The following BTBD10 variants were observed in gnomAD, a reference collection of about 807,000 sequenced individuals.
BTBD10 encodes the protein BTB domain containing 10, also known as BTB/POZ domain-containing protein 10.
Under a neutral mutation model 53.2 loss-of-function variants are expected in BTBD10, and 21 were observed. The ratio of observed to expected loss-of-function variants is 0.39; its 90% CI spans 0.28 to 0.57. BTBD10 has a LOEUF of 0.57. Ranked by LOEUF, BTBD10 falls within the 20% of genes least tolerant of loss-of-function variation. The probability of loss-of-function intolerance (pLI) is 0.53; values close to 1 mark genes in which losing one functional copy is unlikely to be tolerated. For synonymous variants in BTBD10, 149 were observed against 192.7 expected, an observed-to-expected ratio of 0.77 and a Z score of 1.88; for missense variants, 360 against 594.7, an observed-to-expected ratio of 0.61 and a Z score of 4.10.
chr11:13,401,391 G>T (rs1949713634), intron 8 of BTBD10, among the ~76,000 whole-genome samples: 1 of 152,004 alleles, frequency 6.6e-6, no homozygotes, highest in Non-Finnish European at 1.5e-5. Flanking sequence ...CCTATACCTA[G>T]GAACTAGACC....
intron 2 of BTBD10, among the ~76,000 whole-genome samples, chr11:13,422,568 G>A (rs1028115474): frequency 6.6e-6 from 1 of 152,020 alleles, no homozygotes; most frequent in African/African-American, 2.4e-5. Flanking sequence ...GAATCGTCTG[G>A]GAGGCGAAGG....
chr11:13,390,013 C>T (rs754469692), intron 8 of BTBD10, among the ~76,000 whole-genome samples: 9 of 152,020 alleles, frequency 5.9e-5, no homozygotes, highest in Admixed American at 2.0e-4. Context: ...AGCAGCGTTC[C>T]CTGATTAATA....
chr11:13,395,919 C>T (rs1378083198), intron 8 of BTBD10, among the ~76,000 whole-genome samples: 1 of 152,082 alleles, frequency 6.6e-6, no homozygotes, highest in Non-Finnish European at 1.5e-5. Flanking sequence ...GGTACCAGTA[C>T]CATGCTGTTT....
At chr11:13,422,367 G>C (rs1950260964) in intron 2 of BTBD10, among the ~76,000 whole-genome samples, 1 of 151,950 alleles carries the variant, frequency 6.6e-6, no homozygotes, top group South Asian at 2.1e-4. Flanking sequence ...GCATTTCTTA[G>C]CCAGGCACAG....
At chr11:13,459,301 G>T (rs903327319) in intron 1 of BTBD10, among the ~76,000 whole-genome samples, 4 of 151,700 alleles carry the variant, frequency 2.6e-5, no homozygotes, top group Non-Finnish European at 5.9e-5. Context: ...CTCGTGATCC[G>T]CCCGCCTCGG....
chr11:13,438,014 G>A (rs1950574566), intron 2 of BTBD10, among the ~76,000 whole-genome samples: 1 of 151,918 alleles, frequency 6.6e-6, no homozygotes. Context: ...ATCAATGTTT[G>A]TCTTATTTCT....
rs75775863 is a variant in BTBD10 at position 13,419,215 on chromosome 11, AT to A, written c.584+244del. ...GTATCCTGACTTCAATAACTAATAT[AT>A]TTGCTATTTCTACTGGTACTGCAAA... On this transcript the variant is annotated intron_variant, in intron 4 of 8. Transcript: ENST00000278174. Among the ~76,000 whole-genome samples the A allele has an allele frequency of 2.0e-5, 3 of 152,144 alleles. No homozygotes were observed. The East Asian group carries it at 5.8e-4, about 29-fold the overall frequency.
intron 8 of BTBD10, among the ~76,000 whole-genome samples, chr11:13,395,175 C>A (rs1242116340): frequency 1.3e-5 from 2 of 149,656 alleles, no homozygotes; most frequent in African/African-American, 2.4e-5. Context: ...TAAAAGTGTT[C>A]CTATTTCTCC....
chr11:13,431,813 G>A (rs1950452941), intron 2 of BTBD10, among the ~76,000 whole-genome samples: 1 of 151,986 alleles, frequency 6.6e-6, no homozygotes, highest in Non-Finnish European at 1.5e-5. Context: ...AGTTTTCAAT[G>A]GCAGGCAGGT....
intron 1 of BTBD10, among the ~76,000 whole-genome samples, chr11:13,456,520 G>A (rs980542473): frequency 1.9e-4 from 29 of 152,162 alleles, no homozygotes; most frequent in African/African-American, 6.0e-4. Flanking sequence ...CCGGGAAGGA[G>A]AGAAAGCCTT....
At chr11:13,399,608 A>G (rs947270540) in intron 8 of BTBD10, among the ~76,000 whole-genome samples, 1 of 152,064 alleles carries the variant, frequency 6.6e-6, no homozygotes. Context: ...ATTCCTTTGG[A>G]GGAGGAGAGG....
intron 2 of BTBD10, among the ~76,000 whole-genome samples, chr11:13,430,974 T>TACACAC (rs3046409): frequency 0.2 from 29,376 of 144,106 alleles, 3,394 homozygotes; most frequent in East Asian, 0.46. Context: ...TGGAGATACA[T>TACACAC]ACACACACAC....
intron 6 of BTBD10, among the ~76,000 whole-genome samples, chr11:13,407,966 T>G (rs1949865487): frequency 6.6e-6 from 1 of 152,160 alleles, no homozygotes; most frequent in Non-Finnish European, 1.5e-5. Flanking sequence ...AGTCCAGCCT[T>G]TCAGTCATCC....
intron 2 of BTBD10, among the ~76,000 whole-genome samples, chr11:13,427,832 T>A (rs1195861033): frequency 6.6e-6 from 1 of 152,066 alleles, no homozygotes; most frequent in South Asian, 2.1e-4. Flanking sequence ...CCTAGAAAAT[T>A]CCCAAATACT....
intron 2 of BTBD10, among the ~76,000 whole-genome samples, chr11:13,435,125 GAGTTGGCAGTCACTACATACTTAGTA>G (rs1217395218): frequency 6.6e-6 from 1 of 152,182 alleles, no homozygotes; most frequent in Non-Finnish European, 1.5e-5. Flanking sequence ...ACAAATTTCG[GAGTTGGCAGTCACTACATACTTAGTA>G]TTCTCAGCAA....
At chr11:13,443,892 A>G (rs985188917) in intron 2 of BTBD10, among the ~76,000 whole-genome samples, 7 of 152,138 alleles carry the variant, frequency 4.6e-5, no homozygotes, top group African/African-American at 1.7e-4. Flanking sequence ...CAAAACCAAC[A>G]TATCTTTAAT....
chr11:13,413,482 A>G (rs1375955456), intron 6 of BTBD10, 48 bp downstream of exon 6: 3 of 1,534,696 alleles, frequency 2.0e-6, no homozygotes, highest in Non-Finnish European at 2.6e-6. Flanking sequence ...TTTTGTTCCA[A>G]TATATTCTAA....
At chr11:13,420,101 C>T (rs193131042) in intron 3 of BTBD10, among the ~76,000 whole-genome samples, 6 of 152,156 alleles carry the variant, frequency 3.9e-5, no homozygotes, top group African/African-American at 1.4e-4. Flanking sequence ...AATAAATATG[C>T]TTTGAAAGTT....
intron 8 of BTBD10, among the ~76,000 whole-genome samples, chr11:13,390,061 C>CT: frequency 6.6e-6 from 1 of 151,990 alleles, no homozygotes; most frequent in Non-Finnish European, 1.5e-5. Context: ...AACATAGTCA[C>CT]TTAAAAGTAA....
Sources: allele counts gnomAD v4.1 joint callset (sites outside exome capture counted in the v4.1 genomes callset), GRCh38; gene constraint gnomAD v4.1.1; transcripts MANE v1.5; gene names NCBI Gene and HGNC (gene_info 2026-07-23, HGNC 2026-07-21).